Variants in GALNS observed in about 807,000 individuals in gnomAD.
GALNS encodes N-acetylgalactosamine-6-sulfatase.
A neutral mutation model predicts 65.9 loss-of-function variants in GALNS; 65 were observed. That is an observed-to-expected ratio of 0.99 (90% CI 0.81 to 1.21). The LOEUF (loss-of-function observed/expected upper bound fraction) is 1.21, where lower values mean the gene tolerates loss of function less well. GALNS is among the 50% of genes most tolerant of loss of function. The pLI is 0.00. For missense variants in GALNS, 776 were observed against 700.7 expected (o/e 1.11, Z -1.21); for synonymous variants, 346 against 288.9 (o/e 1.20, Z -2.00).
At chr16:88,840,562 C>G (rs1966917235) in intron 4 of GALNS, 1 of 308,368 alleles carries the variant, frequency 3.2e-6, no homozygotes, top group African/African-American at 2.2e-5. Flanking sequence ...TTCCTGGTGG[C>G]TTCTTTGTGG....
rs377130642 is a variant in GALNS, at chr16:88,825,106, C to G, written c.1140-237G>C. Among the ~76,000 whole-genome samples the G allele has an allele frequency of 3.5e-4, 38 of 109,048 alleles. 2 individuals are homozygous for G. The highest frequency in any genetic ancestry group is 1.2e-3 in the African/African-American group (32 of 27,386). The allele number at this position is 109,048 out of a possible 152,430, so 71.5% of individuals were successfully genotyped here. A position where few individuals can be genotyped will look rare whatever the true frequency, so the allele number is the denominator to read the frequency against. The stretch of plus-strand genomic sequence containing the variant: ...GGCTGGGGTGACTGGGTATCTGGGG[C>G]GCCTGGGTGTCTGGGGCTGGGGTGT... On this transcript the variant is annotated intron_variant, in intron 10 of 13. Transcript: ENST00000268695.
intron 8 of GALNS, 30 bp from the exon 9 acceptor site, chr16:88,832,131 T>G (rs1291660083): frequency 1.3e-6 from 2 of 1,578,714 alleles, no homozygotes; most frequent in African/African-American, 2.7e-5. Flanking sequence ...GTCAGGCCAC[T>G]GGGACCAGAT....
chr16:88,825,558 G>A (rs1330490526), intron 10 of GALNS, among the ~76,000 whole-genome samples: 1 of 85,078 alleles, frequency 1.2e-5, no homozygotes, highest in Non-Finnish European at 3.0e-5. Context: ...CTGGGTGTCC[G>A]GGACTGGGAT....
chr16:88,855,461 C>T (rs919355925), intron 1 of GALNS: 4 of 702,696 alleles, frequency 5.7e-6, no homozygotes, highest in South Asian at 1.5e-5. Flanking sequence ...GAGAAAGGCC[C>T]GGCTACTGCT....
At position 88,819,474 on chromosome 16, in the gene GALNS, C is replaced by T. The variant is rs970928798; in HGVS notation, c.1365-1350G>A. Among the ~76,000 whole-genome samples the T allele has an allele frequency of 3.3e-5, 5 of 152,230 alleles. No individual in the cohort carries two copies. In the East Asian group the frequency reaches 5.8e-4, roughly 18 times the overall value. On this transcript the variant is annotated intron_variant, in intron 12 of 13. Coordinates refer to ENST00000268695, the MANE Select transcript of GALNS (RefSeq NM_000512.5). ...TGGTTGAGAACTGGCGTGAACTGCA[C>T]GTGCACTTTCTGACGGTGAGCGTCC... is the stretch of plus-strand genomic sequence containing the variant.
Position 88,835,860 on chromosome 16 carries a change from A to G in GALNS, c.634-11T>C. The G allele has an allele frequency of 6.2e-7, 1 of 1,613,890 alleles. No homozygotes were observed. The highest frequency in any genetic ancestry group is 1.3e-5 in the African/African-American group (1 of 75,040). On this transcript the variant is annotated splice_polypyrimidine_tract_variant and intron_variant, in intron 6 of 13. Coordinates refer to ENST00000268695, the MANE Select transcript of GALNS (RefSeq NM_000512.5). The stretch of plus-strand genomic sequence containing the variant: ...GAAGTCCAGGGCTTCCTATGGAGAG[A>G]GCCACACCGTCGTCCTCCAGCCTCA...
chr16:88,848,541 G>C (rs1967357266), intron 1 of GALNS, among the ~76,000 whole-genome samples: 1 of 148,992 alleles, frequency 6.7e-6, no homozygotes, highest in Non-Finnish European at 1.5e-5. Flanking sequence ...GCTGAGGCAG[G>C]ACAGCCTGGG....
chr16:88,822,768 C>A (rs981654643), intron 11 of GALNS, 58 bp from the exon 12 acceptor site: 272 of 1,590,132 alleles, frequency 1.7e-4, no homozygotes, highest in Non-Finnish European at 2.3e-4. Flanking sequence ...CCGTGAGGGG[C>A]CTCGTCTGCC....
At chr16:88,853,505 G>C (rs1967605431) in intron 1 of GALNS, among the ~76,000 whole-genome samples, 1 of 152,188 alleles carries the variant, frequency 6.6e-6, no homozygotes, top group Admixed American at 6.5e-5. Context: ...GGCAACAGGA[G>C]CTGGCCTGGG....
In GALNS at chr16:88,836,006, C is replaced by T. The variant is rs142875778; in HGVS notation, c.634-157G>A. Among the ~76,000 whole-genome samples, 529 of 150,918 alleles carry T rather than the reference C, an allele frequency of 3.5e-3. 3 individuals are homozygous for T. The highest frequency in any genetic ancestry group is 0.011 in the African/African-American group (462 of 41,046). ...GGTTGGTGCGGTCCCCGTCCCCACGCGTCCCACGGGGCGAGGATGGTGCGG... is the reference window on the plus strand; with the variant it reads ...GGTTGGTGCGGTCCCCGTCCCCACGTGTCCCACGGGGCGAGGATGGTGCGG... On this transcript the variant is annotated intron_variant, in intron 6 of 13. Coordinates refer to ENST00000268695, the MANE Select transcript of GALNS (RefSeq NM_000512.5).
chr16:88,841,877 G>A lies in GALNS; in HGVS notation c.319+20C>T. ...AACCCTGCACCCCAAGGGTGTCCCT[G>A]GAGGCGGTGGGCAGCCTACCGTTTC... is the stretch of plus-strand genomic sequence containing the variant. On this transcript the variant is annotated intron_variant, in intron 3 of 13. Coordinates refer to ENST00000268695, the MANE Select transcript of GALNS (RefSeq NM_000512.5). 5.0e-6 allele frequency: 8 copies of A among 1,607,068 alleles called. No individual in the cohort carries two copies. The highest frequency in any genetic ancestry group is 1.7e-5 in the Admixed American group (1 of 59,314).
In GALNS at chr16:88,850,440, A is replaced by G. The variant is rs140572474; in HGVS notation, c.120+6318T>C. Among the ~76,000 whole-genome samples the G allele has an allele frequency of 3.6e-3, 550 of 152,278 alleles. 2 individuals are homozygous for G. Among genetic ancestry groups the G allele is most frequent in the African/African-American group, 0.012 (515 of 41,556 alleles). ...GGCCACAAATAACATGAATGGATGC[A>G]GCGGAAAATGCTGTAAAGGGAGTGG... On this transcript the variant is annotated intron_variant, in intron 1 of 13. Transcript: ENST00000268695.
rs1017343183 is a variant in GALNS at position 88,856,928 on chromosome 16, G to C, written c.-51C>G. 2 of 1,478,958 alleles carry C rather than the reference G, an allele frequency of 1.4e-6. No individual in the cohort carries two copies. The highest frequency in any genetic ancestry group is 1.8e-6 in the Non-Finnish European group (2 of 1,123,210). 91.6% of individuals were successfully genotyped at this position (1,478,958 alleles called of 1,614,324 possible). A position where few individuals can be genotyped will look rare whatever the true frequency, so the allele number is the denominator to read the frequency against. On this transcript the variant is annotated 5_prime_UTR_variant, in exon 1 of 14. Coordinates refer to ENST00000268695, the MANE Select transcript of GALNS (RefSeq NM_000512.5). ...CGGCCAGCGAGCCGACCTAGCGAGC[G>C]TCCGCCGGCCCTTCCGGCTGGGCTG...
intron 1 of GALNS, chr16:88,844,978 C>T (rs970466138): frequency 6.6e-6 from 1 of 152,208 alleles, no homozygotes; most frequent in Admixed American, 6.5e-5. Flanking sequence ...TTTTTCATGT[C>T]ACAAAATATT....
Position 88,818,133 on chromosome 16 carries a change from A to G in GALNS, c.1365-9T>C. ...ACTCGGCGCTGGCAAAGCTGGGGAC[A>G]GAGAGCTCTGGTCACACGGCTGGGG... On this transcript the variant is annotated splice_polypyrimidine_tract_variant and intron_variant, in intron 12 of 13. Transcript: ENST00000268695. The G allele has an allele frequency of 1.9e-6, 3 of 1,569,790 alleles. No homozygotes were observed. Among genetic ancestry groups the G allele is most frequent in the Non-Finnish European group, 1.7e-6 (2 of 1,165,222 alleles).
At chr16:88,822,763 A>C in intron 11 of GALNS, 53 bp from the exon 12 acceptor site, 1 of 1,595,434 alleles carries the variant, frequency 6.3e-7, no homozygotes, top group Non-Finnish European at 8.5e-7. Flanking sequence ...TGCGGCCGTG[A>C]GGGGCCTCGT....
At chr16:88,848,833 C>G (rs1967374467) in intron 1 of GALNS, among the ~76,000 whole-genome samples, 1 of 152,228 alleles carries the variant, frequency 6.6e-6, no homozygotes, top group African/African-American at 2.4e-5. Context: ...CGCGGGAGGA[C>G]AGTGGGCCGC....
rs1384802354 is a variant in GALNS at position 88,856,933 on chromosome 16, C to T, written c.-56G>A. 2.5e-5 allele frequency: 37 copies of T among 1,466,138 alleles called. No individual in the cohort carries two copies. Among genetic ancestry groups the T allele is most frequent in the Non-Finnish European group, 3.0e-5 (34 of 1,117,650 alleles). 90.8% of individuals were successfully genotyped at this position (1,466,138 alleles called of 1,614,324 possible). ...AGCGAGCCGACCTAGCGAGCGTCCG[C>T]CGGCCCTTCCGGCTGGGCTGCGGGG... On this transcript the variant is annotated 5_prime_UTR_variant, in exon 1 of 14. Coordinates refer to ENST00000268695, the MANE Select transcript of GALNS (RefSeq NM_000512.5).
At chr16:88,823,824 C>T (rs1324860672) in intron 11 of GALNS, among the ~76,000 whole-genome samples, 3 of 147,784 alleles carry the variant, frequency 2.0e-5, no homozygotes, top group Admixed American at 1.4e-4. Flanking sequence ...GCGGCAATGC[C>T]GGGGACCGAT....
Sources: allele counts gnomAD v4.1 joint callset (sites outside exome capture counted in the v4.1 genomes callset), GRCh38; gene constraint gnomAD v4.1.1; transcripts MANE v1.5; gene names NCBI Gene and HGNC (gene_info 2026-07-23, HGNC 2026-07-21).